The following TMEM132C variants were observed in gnomAD, a reference collection of about 807,000 sequenced individuals.
The protein encoded by TMEM132C is protein phosphatase 1, regulatory subunit 152.
Under a neutral mutation model 61.4 loss-of-function variants are expected in TMEM132C, and 29 were observed. The ratio of observed to expected loss-of-function variants is 0.47; its 90% CI spans 0.35 to 0.64. The LOEUF (loss-of-function observed/expected upper bound fraction) is 0.64, where lower values mean the gene tolerates loss of function less well. TMEM132C is among the 30% of genes least tolerant of loss of function. The pLI is 0.00. For synonymous variants in TMEM132C, 656 were observed against 633.1 expected (o/e 1.04, Z -0.54); for missense variants, 1,408 against 1,476.9 (o/e 0.95, Z 0.76).
intron 2 of TMEM132C, among the ~76,000 whole-genome samples, chr12:128,460,248 T>A (rs1870488824): frequency 6.6e-6 from 1 of 152,184 alleles, no homozygotes; most frequent in Middle Eastern, 3.2e-3. Context: ...ACTTCAGGCA[T>A]GGCTGGATCA....
intron 1 of TMEM132C, among the ~76,000 whole-genome samples, chr12:128,356,868 A>G (rs1873522850): frequency 6.6e-6 from 1 of 152,216 alleles, no homozygotes; most frequent in African/African-American, 2.4e-5. Flanking sequence ...TTTTCCCACT[A>G]AAAATGTGCT....
intron 1 of TMEM132C, among the ~76,000 whole-genome samples, chr12:128,411,619 A>G (rs1868554127): frequency 6.6e-6 from 1 of 152,170 alleles, no homozygotes; most frequent in African/African-American, 2.4e-5. Context: ...ACTAGGAATG[A>G]GACACTTTTC....
At chr12:128,477,840 C>A (rs1871199732) in intron 2 of TMEM132C, among the ~76,000 whole-genome samples, 1 of 152,182 alleles carries the variant, frequency 6.6e-6, no homozygotes, top group African/African-American at 2.4e-5. Flanking sequence ...CCTCGGCCTC[C>A]CAGAGTGCTG....
chr12:128,598,207 A>G (rs1485915602), intron 3 of TMEM132C, among the ~76,000 whole-genome samples: 2 of 152,212 alleles, frequency 1.3e-5, no homozygotes, highest in African/African-American at 4.8e-5. Flanking sequence ...GTTTGAGGCC[A>G]GGAGTTAGAG....
chr12:128,421,842 A>G (rs1276903142), intron 2 of TMEM132C, among the ~76,000 whole-genome samples: 2 of 152,222 alleles, frequency 1.3e-5, no homozygotes, highest in African/African-American at 2.4e-5. Context: ...TTTTACAAAT[A>G]TAAGTGGGTT....
In TMEM132C at chr12:128,705,902, C is replaced by T. The variant is rs563849613; in HGVS notation, c.2934C>T (p.Ala978=). 4.5e-6 allele frequency: 7 copies of T among 1,551,258 alleles called. No homozygotes were observed. Among genetic ancestry groups the T allele is most frequent in the Non-Finnish European group, 6.1e-6 (7 of 1,146,976 alleles). ...SHDWVWLGNE[A]ELLESMGDAP... ...ACTGGGTGTGGCTTGGCAATGAGGC[C>T]GAACTCCTGGAGAGCATGGGGGATG... Residue 978 remains alanine, a synonymous_variant, in exon 9 of 9, where the codon GCC becomes GCT. Coordinates refer to ENST00000435159, the MANE Select transcript of TMEM132C (RefSeq NM_001136103.3).
rs373177560 is a variant in TMEM132C, at chr12:128,414,769, A to G, written c.123A>G (p.Arg41=). 2.1e-4 allele frequency: 325 copies of G among 1,537,866 alleles called. No homozygotes were observed. The highest frequency in any genetic ancestry group is 2.7e-4 in the Non-Finnish European group (308 of 1,146,454). ...EGHGVTDNIQ[R]FSSLPPYLPV... is the part of the protein sequence containing the mutation. ...ACGGGGTCACAGACAACATACAGAG[A>G]TTCTCCTCACTGCCACCTTACCTAC... Residue 41 remains arginine, a synonymous_variant, in exon 2 of 9, where the codon AGA becomes AGG. Transcript: ENST00000435159.
At chr12:128,363,643 G>A (rs542869111) in intron 1 of TMEM132C, among the ~76,000 whole-genome samples, 1 of 152,170 alleles carries the variant, frequency 6.6e-6, no homozygotes, top group East Asian at 1.9e-4. Context: ...TCAAGAGTTC[G>A]AGACCAGGCT....
intron 2 of TMEM132C, among the ~76,000 whole-genome samples, chr12:128,511,814 G>C (rs564640724): frequency 6.6e-6 from 1 of 152,310 alleles, no homozygotes; most frequent in Admixed American, 6.5e-5. Context: ...GCCCCACTCT[G>C]CATCCTACTG....
chr12:128,607,747 G>T (rs1876478235), intron 3 of TMEM132C, among the ~76,000 whole-genome samples: 1 of 152,204 alleles, frequency 6.6e-6, no homozygotes, highest in African/African-American at 2.4e-5. Context: ...TCACCTGTGT[G>T]CCCGACTCTT....
At chr12:128,337,895 TATCCCAGTTCACAAACACGTGAGA>T (rs898825417) in intron 1 of TMEM132C, among the ~76,000 whole-genome samples, 1 of 152,192 alleles carries the variant, frequency 6.6e-6, no homozygotes, top group Non-Finnish European at 1.5e-5. Flanking sequence ...TTTTTGTTTT[TATCCCAGTTCACAAACACGTGAGA>T]CTCTTGATGT....
intron 1 of TMEM132C, among the ~76,000 whole-genome samples, chr12:128,361,144 A>G (rs562277774): frequency 6.6e-6 from 1 of 152,328 alleles, no homozygotes; most frequent in South Asian, 2.1e-4. Flanking sequence ...CGTTGCTCCG[A>G]GGAACTCACC....
At chr12:128,690,076 G>A (rs892046060) in intron 5 of TMEM132C, among the ~76,000 whole-genome samples, 4 of 152,164 alleles carry the variant, frequency 2.6e-5, no homozygotes, top group African/African-American at 4.8e-5. Flanking sequence ...GAGTGATAAC[G>A]GAATATGGCA....
At chr12:128,635,462 C>CTTTTTTTTTTTT (rs372811916) in intron 4 of TMEM132C, among the ~76,000 whole-genome samples, 3 of 130,428 alleles carry the variant, frequency 2.3e-5, no homozygotes, top group Non-Finnish European at 3.3e-5. Context: ...TGAGTTTTTT[C>CTTTTTTTTTTTT]TTTTTTTTTT....
intron 3 of TMEM132C, among the ~76,000 whole-genome samples, chr12:128,593,249 A>T (rs61686520): frequency 0.04 from 4,626 of 116,754 alleles, 241 homozygotes; most frequent in African/African-American, 0.14. Context: ...GTCCTTTCTT[A>T]TCTTCTCTCT....
intron 1 of TMEM132C, among the ~76,000 whole-genome samples, chr12:128,342,299 G>A (rs1873000861): frequency 6.6e-6 from 1 of 152,084 alleles, no homozygotes; most frequent in African/African-American, 2.4e-5. Context: ...GAGCCACCAC[G>A]CCCAGCCAGC....
At chr12:128,342,860 G>A (rs141391867) in intron 1 of TMEM132C, among the ~76,000 whole-genome samples, 13 of 152,326 alleles carry the variant, frequency 8.5e-5, no homozygotes, top group African/African-American at 2.9e-4. Flanking sequence ...CTTAGGAGCC[G>A]GGAGGACCTG....
intron 3 of TMEM132C, among the ~76,000 whole-genome samples, chr12:128,610,759 T>A (rs1257082598): frequency 6.6e-6 from 1 of 152,220 alleles, no homozygotes; most frequent in Non-Finnish European, 1.5e-5. Flanking sequence ...AAAGATTTCT[T>A]ATTTTTTTAG....
chr12:128,405,268 C>G (rs1318924800), intron 1 of TMEM132C, among the ~76,000 whole-genome samples: 2 of 152,166 alleles, frequency 1.3e-5, no homozygotes, highest in African/African-American at 4.8e-5. Context: ...CTGGCAACCA[C>G]TTATGATTCC....
Sources: gnomAD v4.1 joint callset for allele counts (sites outside exome capture counted in the v4.1 genomes callset) on GRCh38, gnomAD v4.1.1 for gene constraint, MANE v1.5 for transcripts, NCBI Gene and HGNC (gene_info 2026-07-23, HGNC 2026-07-21) for gene names.